Variants in FRAS1 observed in about 807,000 individuals in gnomAD.
The protein encoded by FRAS1 is extracellular matrix organizing protein FRAS1.
FRAS1 carries 290 observed loss-of-function variants against 435.2 expected under a neutral mutation model. The ratio of observed to expected loss-of-function variants is 0.67; its 90% CI spans 0.61 to 0.73. The LOEUF (loss-of-function observed/expected upper bound fraction) is 0.73, where lower values mean the gene tolerates loss of function less well. FRAS1 is among the 30% of genes least tolerant of loss of function. FRAS1 has a pLI of 0.00. For missense variants in FRAS1, 4,860 were observed against 5,001.5 expected (o/e 0.97, Z 0.85); for synonymous variants, 1,800 against 1,851.0 (o/e 0.97, Z 0.71).
At chr4:78,338,546 A>G (rs913513230) in intron 20 of FRAS1, among the ~76,000 whole-genome samples, 2 of 152,190 alleles carry the variant, frequency 1.3e-5, no homozygotes, top group Non-Finnish European at 2.9e-5. Context: ...CACTTTTTCA[A>G]ACTCTGGGAA....
chr4:78,540,884 G>T lies in FRAS1; in HGVS notation c.11799G>T (p.Gln3933His), dbSNP rs760718578. Residue 3933 changes from glutamine to histidine, a missense_variant, in exon 74 of 74, where the codon CAG (glutamine) becomes CAT (histidine). By Grantham distance (24) the Gln-to-His change is conservative (BLOSUM62 0). Transcript: ENST00000512123. ...TTATCAACAGGAAATGCCAGAAACA[G>T]AGGAAGAAGAAGCCCGCAGAGGACA... ...ACFINRKCQK[Q>H]RKKKPAEDIL... The T allele has an allele frequency of 1.9e-6, 3 of 1,613,904 alleles. No individual in the cohort carries two copies. The South Asian group carries it at 3.3e-5, about 18-fold the overall frequency.
At position 78,477,915 on chromosome 4, in the gene FRAS1, T is replaced by C. The variant is rs780982976; in HGVS notation, c.7952T>C (p.Met2651Thr). ...GAGAGTTTCACTGTGGAGCTCAGCA[T>C]GCCAGCTTATGCCCTGTTAGGGGAA... ...NVESFTVELS[M>T]PAYALLGEFT... Residue 2651 changes from methionine (M) to threonine (T), a missense_variant, in exon 55 of 74, where the codon ATG (methionine) becomes ACG (threonine). Transcript: ENST00000512123. 1 of 1,613,656 alleles carries C rather than the reference T, an allele frequency of 6.2e-7. No homozygotes were observed. The highest frequency in any genetic ancestry group is 1.1e-5 in the South Asian group (1 of 90,934).
chr4:78,091,844 T>TA (rs1458449600), intron 2 of FRAS1, among the ~76,000 whole-genome samples: 1 of 151,352 alleles, frequency 6.6e-6, no homozygotes, highest in African/African-American at 2.4e-5. Context: ...TTTTTAAAAA[T>TA]AAAAAATGCC....
At chr4:78,294,304 G>T (rs1486797452) in intron 14 of FRAS1, among the ~76,000 whole-genome samples, 1 of 152,196 alleles carries the variant, frequency 6.6e-6, no homozygotes, top group Non-Finnish European at 1.5e-5. Flanking sequence ...TTCAGTTTCA[G>T]TAGACATCAC....
At chr4:78,265,248 CT>C in intron 7 of FRAS1, 140 bp downstream of exon 7, 1 of 547,380 alleles carries the variant, frequency 1.8e-6, no homozygotes, top group East Asian at 2.8e-5. Flanking sequence ...AACAGCTTTT[CT>C]CTTCTCTTCA....
At chr4:78,415,724 A>T (rs138513396) in intron 32 of FRAS1, among the ~76,000 whole-genome samples, 52 of 152,350 alleles carry the variant, frequency 3.4e-4, no homozygotes, top group African/African-American at 1.2e-3. Flanking sequence ...CCTTAAGTAT[A>T]AGATAAGAAT....
At chr4:78,244,782 T>C (rs1004179481) in intron 3 of FRAS1, among the ~76,000 whole-genome samples, 7 of 152,204 alleles carry the variant, frequency 4.6e-5, no homozygotes, top group African/African-American at 1.7e-4. Flanking sequence ...TGCAACCTCC[T>C]GTCCCAGGTA....
chr4:78,491,521 T>C (rs547945388), intron 59 of FRAS1, among the ~76,000 whole-genome samples: 2 of 152,252 alleles, frequency 1.3e-5, no homozygotes, highest in East Asian at 1.9e-4. Context: ...ATAAACATAA[T>C]CCATCACATA....
At chr4:78,387,250 GTT>G in intron 28 of FRAS1, 123 bp from the exon 29 acceptor site, 3 of 693,568 alleles carry the variant, frequency 4.3e-6, no homozygotes, top group Non-Finnish European at 7.3e-6. Flanking sequence ...CCATAGAACA[GTT>G]TGGTGCTTTG....
chr4:78,395,367 T>A (rs1237762739), intron 29 of FRAS1, among the ~76,000 whole-genome samples: 1 of 152,032 alleles, frequency 6.6e-6, no homozygotes, highest in Non-Finnish European at 1.5e-5. Flanking sequence ...TATACGTCTG[T>A]TATGTCCATT....
intron 2 of FRAS1, among the ~76,000 whole-genome samples, chr4:78,213,453 A>T (rs1176290370): frequency 6.6e-6 from 1 of 152,264 alleles, no homozygotes; most frequent in Non-Finnish European, 1.5e-5. Flanking sequence ...AGAGGCTGGG[A>T]CATCATTTCT....
intron 20 of FRAS1, among the ~76,000 whole-genome samples, chr4:78,340,815 CCT>C (rs1404832759): frequency 1.3e-5 from 2 of 152,106 alleles, no homozygotes; most frequent in East Asian, 1.9e-4. Flanking sequence ...CACATGTGCC[CCT>C]GTTTCCCTCC....
At chr4:78,492,234 A>G (rs1290592795) in intron 59 of FRAS1, among the ~76,000 whole-genome samples, 1 of 152,352 alleles carries the variant, frequency 6.6e-6, no homozygotes, top group Middle Eastern at 3.4e-3. Flanking sequence ...AGTAATTTAT[A>G]GATTCCTTGC....
intron 14 of FRAS1, among the ~76,000 whole-genome samples, chr4:78,288,297 G>A (rs1006594983): frequency 6.6e-6 from 1 of 152,162 alleles, no homozygotes; most frequent in Non-Finnish European, 1.5e-5. Context: ...CCATCAAAGA[G>A]ATCTCCTGCT....
chr4:78,307,933 A>C, intron 14 of FRAS1, 133 bp from the exon 15 acceptor site: 1 of 824,224 alleles, frequency 1.2e-6, no homozygotes, highest in South Asian at 2.1e-5. Context: ...TGAGGTGTAC[A>C]TGTGTCAATA....
rs1178474614 is a variant in FRAS1, at chr4:78,319,397, T to A, written c.2137+411T>A. The A allele has an allele frequency of 1.5e-5, 7 of 457,700 alleles. No homozygotes were observed. The East Asian group carries it at 4.9e-4, about 32-fold the overall frequency. 28.4% of individuals were successfully genotyped at this position (457,700 alleles called of 1,614,324 possible). ...ACTTCTGTCAGAATTTAGAAGTGATTTCTGCTGTTTGCCTTGGCATATCAT... is the reference window on the plus strand; with the variant it reads ...ACTTCTGTCAGAATTTAGAAGTGATATCTGCTGTTTGCCTTGGCATATCAT... On this transcript the variant is annotated intron_variant, in intron 18 of 73. Transcript: ENST00000512123.
intron 2 of FRAS1, among the ~76,000 whole-genome samples, chr4:78,153,370 A>G (rs1720755041): frequency 6.6e-6 from 1 of 152,182 alleles, no homozygotes; most frequent in South Asian, 2.1e-4. Context: ...CTTCTGTGGA[A>G]TTGAATTGAA....
rs141734688 is a variant in FRAS1 at position 78,238,250 on chromosome 4, C to T, written c.216+633C>T. Among the ~76,000 whole-genome samples the T allele has an allele frequency of 2.4e-3, 369 of 151,610 alleles. 3 individuals carry two copies. The highest frequency in any genetic ancestry group is 8.0e-3 in the African/African-American group (333 of 41,424). ...TGATTGGTATTTCCTCCCTTCCCTTCTGTTAAAAATTTTCAGTTTTCTTCT... is the reference window on the plus strand; with the variant it reads ...TGATTGGTATTTCCTCCCTTCCCTTTTGTTAAAAATTTTCAGTTTTCTTCT... On this transcript the variant is annotated intron_variant, in intron 3 of 73. Coordinates refer to ENST00000512123, the MANE Select transcript of FRAS1 (RefSeq NM_025074.7).
intron 2 of FRAS1, among the ~76,000 whole-genome samples, chr4:78,227,123 GTA>G (rs2110102586): frequency 6.6e-6 from 1 of 152,258 alleles, no homozygotes; most frequent in African/African-American, 2.4e-5. Flanking sequence ...ATAAAATACA[GTA>G]CAGCCTTTCC....
Sources: gnomAD v4.1 joint callset for allele counts (sites outside exome capture counted in the v4.1 genomes callset) on GRCh38, gnomAD v4.1.1 for gene constraint, MANE v1.5 for transcripts, NCBI Gene and HGNC (gene_info 2026-07-23, HGNC 2026-07-21) for gene names.